Variants in ZC3H6 observed in about 807,000 individuals in gnomAD.
ZC3H6 encodes the protein zinc finger CCCH-type containing 6.
ZC3H6 carries 40 observed loss-of-function variants against 107.7 expected under a neutral mutation model. That is an observed-to-expected ratio of 0.37 (90% confidence interval 0.29 to 0.48). ZC3H6 has a LOEUF of 0.48. ZC3H6 is among the 20% of genes least tolerant of loss of function. ZC3H6 has a pLI of 0.98. For missense variants in ZC3H6, 1,267 were observed against 1,410.4 expected (o/e 0.90, Z 1.63); for synonymous variants, 493 against 487.9 (o/e 1.01, Z -0.14).
rs1476647035 is a variant in ZC3H6, at chr2:112,336,123, A to C, written c.*3635A>C. ...GTCTTCCTGAAAGACTACTTACTTCATAAAGGTATTATGTTTCTTTAATTA... is the reference window on the plus strand; with the variant it reads ...GTCTTCCTGAAAGACTACTTACTTCCTAAAGGTATTATGTTTCTTTAATTA... On this transcript the variant is annotated 3_prime_UTR_variant, in exon 12 of 12. Transcript: ENST00000409871. The C allele has an allele frequency of 6.6e-6, 1 of 152,216 alleles. No individual in the cohort carries two copies. Among genetic ancestry groups the C allele is most frequent in the East Asian group, 1.9e-4 (1 of 5,198 alleles). 9.4% of individuals were successfully genotyped at this position (152,216 alleles called of 1,614,324 possible).
rs944646771 is a variant in ZC3H6, at chr2:112,317,301, T to C, written c.945T>C (p.Cys315=). 2.8e-5 allele frequency: 44 copies of C among 1,573,178 alleles called. No individual in the cohort carries two copies. Among genetic ancestry groups the C allele is most frequent in the Non-Finnish European group, 3.6e-5 (42 of 1,159,688 alleles). Reference sequence around the variant, plus strand: ...GCAAATTTTATTTACAAGGATATTGTACCAAAGGAGAGAACTGCATTTATA... The same window carrying C: ...GCAAATTTTATTTACAAGGATATTGCACCAAAGGAGAGAACTGCATTTATA... ...EICKFYLQGY[C]TKGENCIYMH... Residue 315 remains cysteine, a synonymous_variant, in exon 7 of 12, where the codon TGT becomes TGC. Coordinates refer to ENST00000409871, the MANE Select transcript of ZC3H6 (RefSeq NM_198581.3).
rs1462860930 is a variant in ZC3H6, at chr2:112,332,566, A to G, written c.*78A>G. 1.4e-5 allele frequency: 20 copies of G among 1,385,100 alleles called. No homozygotes were observed. Among genetic ancestry groups the G allele is most frequent in the Non-Finnish European group, 1.8e-5 (19 of 1,028,476 alleles). The allele number at this position is 1,385,100 out of a possible 1,614,324, so 85.8% of individuals were successfully genotyped here. A position where few individuals can be genotyped will look rare whatever the true frequency, so the allele number is the denominator to read the frequency against. On this transcript the variant is annotated 3_prime_UTR_variant, in exon 12 of 12. Coordinates refer to ENST00000409871, the MANE Select transcript of ZC3H6 (RefSeq NM_198581.3). ...GCTGTTTTGTAACTGGTTTACCTCT[A>G]TAGTTTATTTATTTTTAAATTATAA...
rs564035069 is a variant in ZC3H6 at position 112,317,198 on chromosome 2, CTTTT to C, written c.865-12_865-9del. The stretch of plus-strand genomic sequence containing the variant: ...TGTTTCTTACCTTTTTTTCTTTTTT[CTTTT>C]TTTTTTTTTTGTGAATAGGGAGATC... On this transcript the variant is annotated intron_variant, in intron 6 of 11. Transcript: ENST00000409871. The C allele has an allele frequency of 7.3e-5, 75 of 1,027,162 alleles. No homozygotes were observed. Among genetic ancestry groups the C allele is most frequent in the South Asian group, 2.0e-4 (9 of 44,246 alleles). 63.6% of individuals were successfully genotyped at this position (1,027,162 alleles called of 1,614,324 possible).
At chr2:112,284,176 A>G in intron 1 of ZC3H6, among the ~76,000 whole-genome samples, 1 of 152,218 alleles carries the variant, frequency 6.6e-6, no homozygotes, top group Non-Finnish European at 1.5e-5. Flanking sequence ...TGAGTTTTTT[A>G]TGATATCTCC....
At chr2:112,285,833 C>T (rs542710185) in intron 1 of ZC3H6, among the ~76,000 whole-genome samples, 84 of 152,086 alleles carry the variant, frequency 5.5e-4, no homozygotes, top group African/African-American at 1.8e-3. Flanking sequence ...TGGTGGCATG[C>T]GCCTGTAATC....
At chr2:112,312,063 A>G in intron 5 of ZC3H6, 126 bp downstream of exon 5, 1 of 934,412 alleles carries the variant, frequency 1.1e-6, no homozygotes, top group South Asian at 2.7e-5. Flanking sequence ...GCTCAGATAA[A>G]ATGAGTATCA....
chr2:112,276,103 G>GC, intron 1 of ZC3H6, 77 bp downstream of exon 1: 1 of 1,389,330 alleles, frequency 7.2e-7, no homozygotes, highest in Non-Finnish European at 9.9e-7. Context: ...CCGGGGCCGG[G>GC]CGCCTCCTGC....
chr2:112,327,532 A>G (rs1162288875), intron 11 of ZC3H6, among the ~76,000 whole-genome samples: 3 of 151,920 alleles, frequency 2.0e-5, no homozygotes, highest in Non-Finnish European at 4.4e-5. Context: ...CCATTTGTCC[A>G]TTTTTGCTTG....
In ZC3H6 at chr2:112,304,960, CTT is replaced by C. The variant is rs1358113022; in HGVS notation, c.336+1610_336+1611del. Among the ~76,000 whole-genome samples the C allele has an allele frequency of 5.3e-5, 8 of 152,174 alleles. No individual in the cohort carries two copies. The East Asian group carries it at 1.5e-3, about 29-fold the overall frequency. On this transcript the variant is annotated intron_variant, in intron 3 of 11. Coordinates refer to ENST00000409871, the MANE Select transcript of ZC3H6 (RefSeq NM_198581.3). ...ATGAGGTTTTATTAAAATATCTTCT[CTT>C]AAAATTTGAAAAGAATTATACACTA...
chr2:112,321,779 C>G lies in ZC3H6; in HGVS notation c.1000C>G (p.His334Asp). 1 of 1,536,406 alleles carries G rather than the reference C, an allele frequency of 6.5e-7. No homozygotes were observed. The highest frequency in any genetic ancestry group is 8.8e-7 in the Non-Finnish European group (1 of 1,139,652). ...ACATGAATTTCCATGCAAGTTCTAT[C>G]ATAGTGGAGCAAAATGTTACCAGGG... ...MHNEFPCKFY[H>D]SGAKCYQGDN... Residue 334 changes from histidine to aspartate, a missense_variant, in exon 8 of 12, where the codon CAT becomes GAT. Physicochemically the swap from His to Asp is moderately conservative, Grantham distance 81. Around this residue, in one of 3 missense-constraint regions of ZC3H6, gnomAD observed 925 missense variants for 1,025.7 expected, o/e 0.90. Transcript: ENST00000409871.
At chr2:112,330,392 A>G (rs969633123) in intron 11 of ZC3H6, among the ~76,000 whole-genome samples, 5 of 152,186 alleles carry the variant, frequency 3.3e-5, no homozygotes, top group African/African-American at 1.2e-4. Flanking sequence ...AATAGCTAAT[A>G]TAGTCACACA....
At chr2:112,281,514 A>T (rs1312430805) in intron 1 of ZC3H6, among the ~76,000 whole-genome samples, 2 of 152,164 alleles carry the variant, frequency 1.3e-5, no homozygotes, top group Non-Finnish European at 2.9e-5. Flanking sequence ...TTAGGTGAAA[A>T]TGGTTGGATT....
chr2:112,322,567 A>G, intron 8 of ZC3H6, 82 bp from the exon 9 acceptor site: 1 of 1,419,230 alleles, frequency 7.0e-7, no homozygotes. Flanking sequence ...TTATTTTTCT[A>G]CTAACCAAAC....
chr2:112,294,812 G>A (rs142141328), intron 1 of ZC3H6, among the ~76,000 whole-genome samples: 1 of 152,192 alleles, frequency 6.6e-6, no homozygotes, highest in African/African-American at 2.4e-5. Context: ...GGGTGACGAG[G>A]GTACTGACCA....
chr2:112,330,337 G>GCCA (rs1677002599), intron 11 of ZC3H6, among the ~76,000 whole-genome samples: 1 of 152,154 alleles, frequency 6.6e-6, no homozygotes, highest in Non-Finnish European at 1.5e-5. Context: ...ACAGGTGTGA[G>GCCA]CCACCACGCC....
In ZC3H6 at chr2:112,295,189, ATT is replaced by A. The variant is rs796479752; in HGVS notation, c.33-4658_33-4657del. On this transcript the variant is annotated intron_variant, in intron 1 of 11. Transcript: ENST00000409871. ...ATTATTGTTTATTAACTGAACAGTT[ATT>A]TACCAGTCATTGGTACAAGAACATG... Among the ~76,000 whole-genome samples, 20 of 152,268 alleles carry A rather than the reference ATT, an allele frequency of 1.3e-4. 1 individual carries two copies. The highest frequency in any genetic ancestry group is 4.8e-4 in the African/African-American group (20 of 41,570).
intron 11 of ZC3H6, among the ~76,000 whole-genome samples, chr2:112,328,132 T>A (rs1676947191): frequency 6.6e-6 from 1 of 152,142 alleles, no homozygotes; most frequent in Non-Finnish European, 1.5e-5. Flanking sequence ...CCTCAAGTGA[T>A]CTGCCTGCGT....
At chr2:112,305,088 TTATAA>T (rs1676451441) in intron 3 of ZC3H6, among the ~76,000 whole-genome samples, 1 of 152,232 alleles carries the variant, frequency 6.6e-6, no homozygotes, top group Non-Finnish European at 1.5e-5. Context: ...TCAGAACATT[TTATAA>T]CTGTTCATTA....
At position 112,336,594 on chromosome 2, in the gene ZC3H6, C is replaced by G. The variant is rs1160169960; in HGVS notation, c.*4106C>G. The G allele has an allele frequency of 6.6e-6, 1 of 152,086 alleles. No individual in the cohort carries two copies. The highest frequency in any genetic ancestry group is 2.4e-5 in the African/African-American group (1 of 41,416). 9.4% of individuals were successfully genotyped at this position (152,086 alleles called of 1,614,324 possible). A position where few individuals can be genotyped will look rare whatever the true frequency, so the allele number is the denominator to read the frequency against. ...GTTACACCTTAGCATTTACATAATG[C>G]CTTCTCCCCAAGCAGTTTCATGTGG... On this transcript the variant is annotated 3_prime_UTR_variant, in exon 12 of 12. Transcript: ENST00000409871.
Sources: gnomAD v4.1 joint callset for allele counts (sites outside exome capture counted in the v4.1 genomes callset) on GRCh38, gnomAD v4.1.1 for gene constraint, gnomAD v4.1.1 regional missense constraint, MANE v1.5 for transcripts, NCBI Gene and HGNC (gene_info 2026-07-23, HGNC 2026-07-21) for gene names.